The following MSTO1 variants were observed in gnomAD, a reference collection of about 807,000 sequenced individuals.
MSTO1 encodes protein misato homolog 1.
Under a neutral mutation model 55.7 loss-of-function variants are expected in MSTO1, and 24 were observed. The ratio of observed to expected loss-of-function variants is 0.43; its 90% confidence interval spans 0.31 to 0.61. The LOEUF is 0.61. Ranked by LOEUF, MSTO1 falls within the 20% of genes least tolerant of loss-of-function variation. The pLI is 0.09. For synonymous variants in MSTO1, 162 were observed against 252.8 expected, an observed-to-expected ratio of 0.64 and a Z score of 3.41; for missense variants, 363 against 625.7, an observed-to-expected ratio of 0.58 and a Z score of 4.48.
the MSTO1 span, among the ~76,000 whole-genome samples, chr1:155,572,572 C>T: frequency 1.3e-5 from 2 of 152,036 alleles, no homozygotes; most frequent in African/African-American, 4.8e-5. Flanking sequence ...CTTAACCAGC[C>T]ATGGTTTCGG....
the MSTO1 span, among the ~76,000 whole-genome samples, chr1:155,600,254 A>T: frequency 6.6e-6 from 1 of 152,216 alleles, no homozygotes; most frequent in Non-Finnish European, 1.5e-5. Context: ...GGGAGTGGTG[A>T]TGACTCTTAA....
the MSTO1 span, among the ~76,000 whole-genome samples, chr1:155,587,691 C>A: frequency 6.7e-6 from 1 of 148,884 alleles, no homozygotes; most frequent in Non-Finnish European, 1.5e-5. Flanking sequence ...TTGCAGTGAG[C>A]CGAGATCGCG....
intron 2 of MSTO1, 116 bp from the exon 3 acceptor site, chr1:155,610,923 G>C: frequency 2.6e-6 from 1 of 378,470 alleles, no homozygotes; most frequent in East Asian, 5.2e-5. Flanking sequence ...AAGCTTGGAA[G>C]AGCCAAGTGC....
At chr1:155,579,882 A>G in the MSTO1 span, among the ~76,000 whole-genome samples, 39 of 152,090 alleles carry the variant, frequency 2.6e-4, no homozygotes, top group Admixed American at 2.0e-3. Flanking sequence ...GTTTGAGACC[A>G]GACTGGCCAA....
chr1:155,613,070 A>C lies in MSTO1; in HGVS notation c.1120A>C (p.Ile374Leu). Residue 374 changes from isoleucine (I) to leucine (L), a missense_variant, in exon 11 of 14, where the codon ATC (isoleucine) becomes CTC (leucine). This residue lies in a region of MSTO1 where 231 missense variants were observed against 286.9 expected (regional missense o/e 0.81). Coordinates refer to ENST00000245564, the MANE Select transcript of MSTO1 (RefSeq NM_018116.4). ...GKKVVTAGAI[I>L]PFPLAPGQSL... ...TTAGGTGGTGACAGCAGGAGCAATC[A>C]TCCCTTTCCCCTTGGCTCCAGGCCA... 2.5e-6 allele frequency: 4 copies of C among 1,613,658 alleles called. No homozygotes were observed. Among genetic ancestry groups the C allele is most frequent in the Non-Finnish European group, 3.4e-6 (4 of 1,180,020 alleles).
upstream of MSTO1, among the ~76,000 whole-genome samples, chr1:155,608,993 G>C (rs1321161614): frequency 7.1e-6 from 1 of 141,180 alleles, no homozygotes; most frequent in Non-Finnish European, 1.5e-5. Flanking sequence ...CCGGCTACAT[G>C]TTTTGTATTT....
intron 11 of MSTO1, 105 bp downstream of exon 11, chr1:155,613,338 C>G: frequency 6.4e-7 from 1 of 1,569,496 alleles, no homozygotes; most frequent in Non-Finnish European, 8.6e-7. Context: ...CTCCCCACCC[C>G]TTAAAAAGGA....
the MSTO1 span, among the ~76,000 whole-genome samples, chr1:155,595,334 T>C: frequency 6.6e-6 from 1 of 151,614 alleles, no homozygotes; most frequent in Admixed American, 6.6e-5. Flanking sequence ...CCCACCACCA[T>C]GCCTGGTTAA....
chr1:155,591,110 T>C, the MSTO1 span: 1 of 1,613,546 alleles, frequency 6.2e-7, no homozygotes, highest in Non-Finnish European at 8.5e-7. Context: ...ACTCAGGACA[T>C]CCACAGGCCC....
At chr1:155,575,754 T>TTTTA in the MSTO1 span, among the ~76,000 whole-genome samples, 2 of 150,502 alleles carry the variant, frequency 1.3e-5, no homozygotes, top group African/African-American at 2.4e-5. Context: ...CTTTTGCCTA[T>TTTTA]TTTATTTATT....
At chr1:155,587,745 G>GAA in the MSTO1 span, among the ~76,000 whole-genome samples, 11 of 47,362 alleles carry the variant, frequency 2.3e-4, no homozygotes, top group East Asian at 6.0e-4. Flanking sequence ...CTCCGTCTCA[G>GAA]AAAAAAAAAA....
chr1:155,587,517 G>GTGGATCAC, the MSTO1 span, among the ~76,000 whole-genome samples: 1 of 151,292 alleles, frequency 6.6e-6, no homozygotes, highest in Admixed American at 6.6e-5. Flanking sequence ...GCCGAGGCGG[G>GTGGATCAC]TGGATCACGA....
the MSTO1 span, among the ~76,000 whole-genome samples, chr1:155,566,938 T>TA: frequency 0.062 from 9,360 of 152,068 alleles, 330 homozygotes; most frequent in African/African-American, 0.095. Context: ...AACCTGCTCT[T>TA]ACTATGTTGC....
the MSTO1 span, among the ~76,000 whole-genome samples, chr1:155,594,433 GGA>G: frequency 6.6e-6 from 1 of 151,940 alleles, no homozygotes; most frequent in Non-Finnish European, 1.5e-5. Flanking sequence ...GTAAATAAAT[GGA>G]GAGAGAGGGA....
the MSTO1 span, among the ~76,000 whole-genome samples, chr1:155,593,862 G>C: frequency 1.3e-5 from 2 of 151,858 alleles, no homozygotes; most frequent in Admixed American, 1.3e-4. Flanking sequence ...CCAGCTACTC[G>C]GGAGGCTGAG....
chr1:155,590,930 C>T, the MSTO1 span: 1 of 1,613,672 alleles, frequency 6.2e-7, no homozygotes, highest in Non-Finnish European at 8.5e-7. Context: ...GCCTTGGAAT[C>T]CTTCTCCTCC....
chr1:155,565,683 T>A, the MSTO1 span, among the ~76,000 whole-genome samples: 20 of 152,202 alleles, frequency 1.3e-4, no homozygotes, highest in Non-Finnish European at 2.9e-5. Context: ...TTACATATGG[T>A]CTCTGTGTTA....
At chr1:155,611,896 G>A in intron 6 of MSTO1, 69 bp downstream of exon 6, 1 of 736,114 alleles carries the variant, frequency 1.4e-6, no homozygotes, top group East Asian at 2.8e-5. Flanking sequence ...AGGCTCTTGA[G>A]GCCATCTTCC....
At chr1:155,588,434 T>A in the MSTO1 span, among the ~76,000 whole-genome samples, 1 of 152,154 alleles carries the variant, frequency 6.6e-6, no homozygotes, top group African/African-American at 2.4e-5. Context: ...TGCCAGGTAC[T>A]ACACTAAGTG....
Sources: allele counts gnomAD v4.1 joint callset (sites outside exome capture counted in the v4.1 genomes callset), GRCh38; gene constraint gnomAD v4.1.1; regional missense constraint gnomAD v4.1.1; transcripts MANE v1.5; gene names NCBI Gene and HGNC (gene_info 2026-07-23, HGNC 2026-07-21).